The following PREX1 variants were observed in gnomAD, a reference collection of about 807,000 sequenced individuals.
PREX1 encodes phosphatidylinositol-3,4,5-trisphosphate dependent Rac exchange factor 1.
PREX1 carries 41 observed loss-of-function variants against 198.3 expected under a neutral mutation model. The ratio of observed to expected loss-of-function variants is 0.21; its 90% confidence interval spans 0.16 to 0.27. PREX1 has a LOEUF of 0.27. PREX1 is among the 10% of genes least tolerant of loss of function. PREX1 has a pLI of 1.00. For synonymous variants in PREX1, 843 were observed against 887.2 expected, an observed-to-expected ratio of 0.95 and a Z score of 0.89; for missense variants, 1,620 against 2,200.7, an observed-to-expected ratio of 0.74 and a Z score of 5.28.
intron 5 of PREX1, among the ~76,000 whole-genome samples, chr20:48,709,647 G>T (rs1262063620): frequency 1.3e-5 from 2 of 152,216 alleles, no homozygotes; most frequent in Non-Finnish European, 1.5e-5. Flanking sequence ...GTACAAGGAG[G>T]AACTGGGATT....
chr20:48,868,404 G>A, the PREX1 span, among the ~76,000 whole-genome samples: 19 of 151,594 alleles, frequency 1.3e-4, no homozygotes, highest in African/African-American at 3.1e-4. Flanking sequence ...TGCAACCTCC[G>A]CCTCCCAGGT....
the PREX1 span, among the ~76,000 whole-genome samples, chr20:48,847,357 T>C: frequency 5.5e-5 from 6 of 109,190 alleles, no homozygotes; most frequent in East Asian, 1.3e-3. Context: ...CCCTCTTCCT[T>C]CTCTTATAAA....
chr20:48,694,210 C>T (rs1269466677), intron 7 of PREX1, among the ~76,000 whole-genome samples: 3 of 152,176 alleles, frequency 2.0e-5, no homozygotes, highest in Non-Finnish European at 4.4e-5. Flanking sequence ...CCACGCCCAG[C>T]CCGAATTTCT....
rs531894595 is a variant in PREX1, at chr20:48,806,115, C to T, written c.219+21527G>A. ...GCTTCATGACAGTAGCAGGTAGAGT[C>T]CAGACATCCTTCCTCCCCAGTTGTG... On this transcript the variant is annotated intron_variant, in intron 1 of 39. Coordinates refer to ENST00000371941, the MANE Select transcript of PREX1 (RefSeq NM_020820.4). 5.9e-5 allele frequency among the ~76,000 whole-genome samples: 9 copies of T among 152,258 alleles called. No individual in the cohort carries two copies. In the East Asian group the frequency reaches 1.7e-3, roughly 29 times the overall value.
At chr20:48,694,580 G>A (rs1209760128) in intron 7 of PREX1, among the ~76,000 whole-genome samples, 1 of 152,192 alleles carries the variant, frequency 6.6e-6, no homozygotes, top group African/African-American at 2.4e-5. Flanking sequence ...GAGCTCAAAG[G>A]CCACTTGGTG....
At chr20:48,809,212 G>A (rs2090424507) in intron 1 of PREX1, among the ~76,000 whole-genome samples, 1 of 152,232 alleles carries the variant, frequency 6.6e-6, no homozygotes, top group Admixed American at 6.5e-5. Flanking sequence ...ATAGGAGCAA[G>A]GATTCTGAGG....
chr20:48,639,372 G>A (rs984622202), intron 30 of PREX1, among the ~76,000 whole-genome samples: 1 of 152,220 alleles, frequency 6.6e-6, no homozygotes, highest in African/African-American at 2.4e-5. Flanking sequence ...CTATCTGTGG[G>A]CCTGAATCTG....
intron 1 of PREX1, among the ~76,000 whole-genome samples, chr20:48,750,441 C>G (rs1171321253): frequency 6.6e-6 from 1 of 152,212 alleles, no homozygotes; most frequent in Non-Finnish European, 1.5e-5. Flanking sequence ...TCCCCATGAT[C>G]TTGTCCTTGT....
chr20:48,672,683 G>T (rs1325050482), intron 14 of PREX1, among the ~76,000 whole-genome samples: 1 of 152,226 alleles, frequency 6.6e-6, no homozygotes. Flanking sequence ...CCTCTGAGCT[G>T]CTGCTCCCCA....
chr20:48,685,968 G>A (rs1358698931), intron 10 of PREX1, among the ~76,000 whole-genome samples: 1 of 148,870 alleles, frequency 6.7e-6, no homozygotes, highest in Non-Finnish European at 1.5e-5. Context: ...TGTAGAGAGA[G>A]GAACTGCTAG....
intron 5 of PREX1, among the ~76,000 whole-genome samples, chr20:48,723,150 T>C (rs2089993425): frequency 1.3e-5 from 2 of 152,246 alleles, no homozygotes; most frequent in Admixed American, 6.5e-5. Flanking sequence ...AAGGCTTTCA[T>C]TCTCGCCTCT....
At position 48,637,715 on chromosome 20, in the gene PREX1, G is replaced by A. The variant is rs769138464; in HGVS notation, c.3942C>T (p.Cys1314=). Residue 1314 remains cysteine (C), a synonymous_variant, in exon 31 of 40, where the codon TGC becomes TGT. Transcript: ENST00000371941. ...KNQLLLALLK[C]TDTELQLRRD... ...ACACACCTTTAAAGGCCTCACCTGT[G>A]CACTTCAGCAAGGCCAGGAGCAGCT... 4.3e-6 allele frequency: 7 copies of A among 1,611,452 alleles called. No individual in the cohort carries two copies. In the South Asian group the frequency reaches 7.7e-5, roughly 18 times the overall value.
At chr20:48,740,189 G>A (rs1001321505) in intron 3 of PREX1, among the ~76,000 whole-genome samples, 3 of 152,192 alleles carry the variant, frequency 2.0e-5, no homozygotes, top group African/African-American at 4.8e-5. Flanking sequence ...ATGTTTCCAA[G>A]CAGGGAGTAA....
chr20:48,682,680 C>T (rs139392980), intron 10 of PREX1, among the ~76,000 whole-genome samples: 1 of 152,148 alleles, frequency 6.6e-6, no homozygotes, highest in Non-Finnish European at 1.5e-5. Context: ...CGTGACTGCC[C>T]GGTGGTGAGA....
At chr20:48,627,349 G>T (rs1002213294) in intron 39 of PREX1, among the ~76,000 whole-genome samples, 199 bp downstream of exon 39, 1 of 151,992 alleles carries the variant, frequency 6.6e-6, no homozygotes, top group Non-Finnish European at 1.5e-5. Context: ...ACACCTGGGG[G>T]CTCATCTTCC....
the PREX1 span, among the ~76,000 whole-genome samples, chr20:48,844,826 T>C: frequency 6.6e-6 from 1 of 152,232 alleles, no homozygotes; most frequent in African/African-American, 2.4e-5. Flanking sequence ...CATTTACTTA[T>C]AGCAAAAGTC....
At chr20:48,661,624 C>T (rs2089597364) in intron 15 of PREX1, among the ~76,000 whole-genome samples, 2 of 148,900 alleles carry the variant, frequency 1.3e-5, no homozygotes, top group African/African-American at 5.0e-5. Flanking sequence ...TAACCAGTAT[C>T]AACCAATTGG....
the PREX1 span, among the ~76,000 whole-genome samples, chr20:48,869,762 C>T: frequency 6.6e-6 from 1 of 152,198 alleles, no homozygotes; most frequent in African/African-American, 2.4e-5. Flanking sequence ...CCAAACACTG[C>T]ATGTTCTCAC....
chr20:48,721,114 T>G (rs1187678583), intron 5 of PREX1, among the ~76,000 whole-genome samples: 1 of 152,206 alleles, frequency 6.6e-6, no homozygotes, highest in Non-Finnish European at 1.5e-5. Flanking sequence ...ATTTCTGGAT[T>G]CAGAAACAGT....
Sources: allele counts gnomAD v4.1 joint callset (sites outside exome capture counted in the v4.1 genomes callset), GRCh38; gene constraint gnomAD v4.1.1; transcripts MANE v1.5; gene names NCBI Gene and HGNC (gene_info 2026-07-23, HGNC 2026-07-21).